The following PDE2A variants were observed in gnomAD, a reference collection of about 807,000 sequenced individuals.
PDE2A encodes phosphodiesterase 2A, also known as cGMP-dependent 3',5'-cyclic phosphodiesterase.
Under a neutral mutation model 133.6 loss-of-function variants are expected in PDE2A, and 53 were observed. The observed-to-expected ratio is 0.40, with a 90% CI of 0.32 to 0.50. The LOEUF is 0.50. Among genes scored for constraint, PDE2A ranks in the 20% least tolerant of loss-of-function variants. PDE2A has a pLI of 0.73. For missense variants in PDE2A, 796 were observed against 1,232.4 expected (o/e 0.65, Z 5.30); for synonymous variants, 491 against 490.2 (o/e 1.00, Z -0.02).
chr11:72,607,361 G>A lies in PDE2A; in HGVS notation c.234+1301C>T, dbSNP rs759841814. On this transcript the variant is annotated intron_variant, in intron 3 of 30. Coordinates refer to ENST00000334456, the MANE Select transcript of PDE2A (RefSeq NM_002599.5). ...AGCCTCAGTGGCCACAGAGGCTCTC[G>A]GGGCAGCCCTACAGAAACCGACCTG... 7.9e-5 allele frequency among the ~76,000 whole-genome samples: 12 copies of A among 152,118 alleles called. 1 individual carries two copies. The highest frequency in any genetic ancestry group is 2.1e-4 in the South Asian group (1 of 4,824).
chr11:72,591,021 C>T (rs1421192177), intron 7 of PDE2A: 2 of 449,862 alleles, frequency 4.4e-6, no homozygotes, highest in Admixed American at 3.9e-5. Context: ...ATCAAAAAGT[C>T]GAAAATTGTA....
chr11:72,658,043 A>G (rs773777489), intron 1 of PDE2A: 1 of 456,272 alleles, frequency 2.2e-6, no homozygotes, highest in South Asian at 1.5e-5. Flanking sequence ...GGCATCTTTA[A>G]AATGTAACTC....
At chr11:72,581,741 G>A in intron 22 of PDE2A, 136 bp downstream of exon 22, 1 of 894,428 alleles carries the variant, frequency 1.1e-6, no homozygotes. Flanking sequence ...CTCATTCATG[G>A]ATCCTCCCCA....
At chr11:72,613,760 G>A (rs988212143) in intron 2 of PDE2A, among the ~76,000 whole-genome samples, 1 of 152,118 alleles carries the variant, frequency 6.6e-6, no homozygotes, top group Non-Finnish European at 1.5e-5. Context: ...CACAGAATGG[G>A]AAACCCAGGA....
At position 72,579,527 on chromosome 11, in the gene PDE2A, C is replaced by T. The variant is rs925762832; in HGVS notation, c.2256+7G>A. Reference sequence around the variant, plus strand: ...CTCAATCCCCACCCCACCCCCAACCCCATCACCTTCCGGGAGAAATGATCA... The same window carrying T: ...CTCAATCCCCACCCCACCCCCAACCTCATCACCTTCCGGGAGAAATGATCA... On this transcript the variant is annotated splice_region_variant and intron_variant, in intron 26 of 30. Transcript: ENST00000334456. 2.5e-6 allele frequency: 4 copies of T among 1,580,282 alleles called. No homozygotes were observed. Among genetic ancestry groups the T allele is most frequent in the Non-Finnish European group, 3.5e-6 (4 of 1,152,750 alleles).
chr11:72,616,824 C>T (rs1478916241), intron 2 of PDE2A, among the ~76,000 whole-genome samples: 2 of 152,234 alleles, frequency 1.3e-5, no homozygotes, highest in African/African-American at 2.4e-5. Flanking sequence ...GTCACTATCA[C>T]CTTCTTTCAT....
At chr11:72,614,438 G>A (rs755933) in intron 2 of PDE2A, among the ~76,000 whole-genome samples, 20,879 of 152,124 alleles carry the variant, frequency 0.14, 1,576 homozygotes, top group South Asian at 0.2. Flanking sequence ...TCAGGCTTTG[G>A]GGAGGGGAAG....
At chr11:72,671,546 C>T (rs1052963919) in intron 1 of PDE2A, among the ~76,000 whole-genome samples, 1 of 152,152 alleles carries the variant, frequency 6.6e-6, no homozygotes, top group South Asian at 2.1e-4. Flanking sequence ...ATCAGCAGTC[C>T]CTGGGGACAG....
chr11:72,580,239 C>T (rs1380854844), intron 25 of PDE2A, among the ~76,000 whole-genome samples: 2 of 152,142 alleles, frequency 1.3e-5, no homozygotes, highest in African/African-American at 4.8e-5. Flanking sequence ...TGGCTCAGAC[C>T]TTGTGCACGA....
Position 72,674,129 on chromosome 11 carries a change from A to G in PDE2A, c.71+8T>C, listed in dbSNP as rs762705055. Reference sequence around the variant, plus strand: ...CCGCTCACCACCCCAGCCCCTCACTATACTCACGGCTCAGCCGGTCGCGCT... The same window carrying G: ...CCGCTCACCACCCCAGCCCCTCACTGTACTCACGGCTCAGCCGGTCGCGCT... On this transcript the variant is annotated splice_region_variant and intron_variant, in intron 1 of 30. Transcript: ENST00000334456. 6.2e-7 allele frequency: 1 copy of G among 1,612,498 alleles called. No individual in the cohort carries two copies. Among genetic ancestry groups the G allele is most frequent in the Non-Finnish European group, 8.5e-7 (1 of 1,179,330 alleles).
At chr11:72,636,063 G>C (rs1467257789) in intron 2 of PDE2A, 2 of 1,273,710 alleles carry the variant, frequency 1.6e-6, no homozygotes, top group Non-Finnish European at 2.0e-6. Context: ...AGGCATGCAA[G>C]GCCAACTCCC....
In PDE2A at chr11:72,644,724, A is replaced by ATTTATTTTATTTTAT. The variant is rs71062783; in HGVS notation, c.72-2413_72-2399dup. Among the ~76,000 whole-genome samples, 71 of 148,724 alleles carry ATTTATTTTATTTTAT rather than the reference A, an allele frequency of 4.8e-4. 1 individual carries two copies. The highest frequency in any genetic ancestry group is 4.3e-4 in the South Asian group (2 of 4,682). ...CACTCACCTCTTGAGAAGTTATTTT[A>ATTTATTTTATTTTAT]TTTATTTTATTTTATTTTATTTTAT... is the stretch of plus-strand genomic sequence containing the variant. On this transcript the variant is annotated intron_variant, in intron 1 of 30. Coordinates refer to ENST00000334456, the MANE Select transcript of PDE2A (RefSeq NM_002599.5).
intron 27 of PDE2A, 33 bp from the exon 28 acceptor site, chr11:72,579,042 G>A (rs751574123): frequency 3.4e-6 from 5 of 1,476,436 alleles, no homozygotes; most frequent in South Asian, 1.1e-5. Flanking sequence ...AAGGAGCGGG[G>A]CCCAGCCTCT....
chr11:72,630,133 G>T (rs1156827401), intron 2 of PDE2A, among the ~76,000 whole-genome samples: 1 of 152,196 alleles, frequency 6.6e-6, no homozygotes, highest in Non-Finnish European at 1.5e-5. Context: ...GCATGGTCGG[G>T]GGGTGGGGAT....
Position 72,584,531 on chromosome 11 carries a change from G to A in PDE2A, c.1537+20C>T, listed in dbSNP as rs554973856. On this transcript the variant is annotated intron_variant, in intron 18 of 30. Transcript: ENST00000334456. The stretch of plus-strand genomic sequence containing the variant: ...CGCCCGGCGCAGGCCCCGCCCCTCC[G>A]CCCGGGCCGCCACGCGCACCCTGGT... The A allele has an allele frequency of 5.7e-6, 9 of 1,576,388 alleles. No individual in the cohort carries two copies. The highest frequency in any genetic ancestry group is 4.6e-5 in the East Asian group (2 of 43,252).
At position 72,597,614 on chromosome 11, in the gene PDE2A, G is replaced by T; in HGVS notation, c.329C>A (p.Ala110Asp). The T allele has an allele frequency of 6.2e-7, 1 of 1,607,786 alleles. No individual in the cohort carries two copies. Among genetic ancestry groups the T allele is most frequent in the Non-Finnish European group, 8.5e-7 (1 of 1,175,182 alleles). The change falls in exon 5 of 31, where the codon GCT becomes GAT. Residue 110 changes from alanine (A) to aspartate (D), a missense_variant. By Grantham distance (126) the Ala-to-Asp change is moderately radical. Coordinates refer to ENST00000334456, the MANE Select transcript of PDE2A (RefSeq NM_002599.5). The surrounding 1 kb of genome is among the most constrained non-coding windows in gnomAD (Gnocchi z 4.6). ...ELPQEGKVRE[A>D]IISQKRLGCN... ...GCCCAGCCGCTTCTGGGAGATGATAGCCTCCCTGAAAAGAGGACATGATGC... is the reference window on the plus strand; with the variant it reads ...GCCCAGCCGCTTCTGGGAGATGATATCCTCCCTGAAAAGAGGACATGATGC...
In PDE2A at chr11:72,637,093, G is replaced by A. The variant is rs544393041; in HGVS notation, c.144+5161C>T. Among the ~76,000 whole-genome samples the A allele has an allele frequency of 1.9e-4, 26 of 137,318 alleles. 1 individual carries two copies. The highest frequency in any genetic ancestry group is 9.1e-4 in the African/African-American group (25 of 27,434). The allele number at this position is 137,318 out of a possible 152,430, so 90.1% of individuals were successfully genotyped here. A position where few individuals can be genotyped will look rare whatever the true frequency, so the allele number is the denominator to read the frequency against. On this transcript the variant is annotated intron_variant, in intron 2 of 30. Coordinates refer to ENST00000334456, the MANE Select transcript of PDE2A (RefSeq NM_002599.5). ...TCACAGTAACCATTCTCTCCCCTCT[G>A]TCCAGAACTTTCTCCTGGCTTGACC...
intron 26 of PDE2A, 64 bp downstream of exon 26, chr11:72,579,469 CT>C: frequency 6.4e-7 from 1 of 1,559,424 alleles, no homozygotes; most frequent in Non-Finnish European, 8.8e-7. Context: ...TCCTTGGCTC[CT>C]TATCCCACCT....
At position 72,590,180 on chromosome 11, in the gene PDE2A, G is replaced by A; in HGVS notation, c.756+12C>T. Reference sequence around the variant, plus strand: ...GGACGGGGAGGTGGCCGGCAGGGGCGCAGGGACTCACGTATTGGAGCACTT... The same window carrying A: ...GGACGGGGAGGTGGCCGGCAGGGGCACAGGGACTCACGTATTGGAGCACTT... On this transcript the variant is annotated intron_variant, in intron 9 of 30. Transcript: ENST00000334456. The surrounding 1 kb of genome is among the most constrained non-coding windows in gnomAD (Gnocchi z 4.8). The A allele has an allele frequency of 1.3e-6, 2 of 1,545,764 alleles. No individual in the cohort carries two copies. Among genetic ancestry groups the A allele is most frequent in the Non-Finnish European group, 8.8e-7 (1 of 1,142,298 alleles).
Sources: allele counts gnomAD v4.1 joint callset (sites outside exome capture counted in the v4.1 genomes callset), GRCh38; gene constraint gnomAD v4.1.1; non-coding constraint Gnocchi (gnomAD v3.1); transcripts MANE v1.5; gene names NCBI Gene and HGNC (gene_info 2026-07-23, HGNC 2026-07-21).